CDH4: variants seen among roughly 807,000 people sequenced by gnomAD.
CDH4 encodes the protein cadherin-4.
Under a neutral mutation model 86.0 loss-of-function variants are expected in CDH4, and 33 were observed. The ratio of observed to expected loss-of-function variants is 0.38; its 90% CI spans 0.29 to 0.51. CDH4 has a LOEUF of 0.51. Among genes scored for constraint, CDH4 ranks in the 20% least tolerant of loss-of-function variants. The pLI, the probability that CDH4 is intolerant of heterozygous loss-of-function variation, is 0.86. For synonymous variants in CDH4, 555 were observed against 549.4 expected (o/e 1.01, Z -0.14); for missense variants, 1,114 against 1,307.4 (o/e 0.85, Z 2.28).
At chr20:61,280,498 C>T (rs1434967371) in intron 2 of CDH4, among the ~76,000 whole-genome samples, 1 of 152,186 alleles carries the variant, frequency 6.6e-6, no homozygotes, top group Non-Finnish European at 1.5e-5. Flanking sequence ...CGGTGGGGGC[C>T]GATGTCCCCA....
At chr20:61,423,888 C>T (rs1390608414) in intron 2 of CDH4, among the ~76,000 whole-genome samples, 1 of 148,562 alleles carries the variant, frequency 6.7e-6, no homozygotes, top group Non-Finnish European at 1.5e-5. Context: ...TCCTCAGCCT[C>T]ATACCTTGTC....
chr20:61,634,390 G>A (rs541033165), intron 2 of CDH4, among the ~76,000 whole-genome samples: 4 of 152,276 alleles, frequency 2.6e-5, no homozygotes, highest in East Asian at 1.9e-4. Context: ...CTAACACCAC[G>A]ACAGCTCAGG....
chr20:61,847,053 G>A (rs533059082), intron 5 of CDH4, among the ~76,000 whole-genome samples: 9 of 152,310 alleles, frequency 5.9e-5, no homozygotes, highest in African/African-American at 2.2e-4. Context: ...CCAGCAGAAG[G>A]CCTCTTCCTT....
intron 14 of CDH4, 93 bp downstream of exon 14, chr20:61,933,217 A>G: frequency 4.0e-6 from 6 of 1,482,350 alleles, no homozygotes; most frequent in Non-Finnish European, 5.5e-6. Context: ...TTTAACAGTA[A>G]GACATTTCAA....
chr20:61,935,486 G>A (rs535870173), intron 15 of CDH4, among the ~76,000 whole-genome samples: 12 of 151,876 alleles, frequency 7.9e-5, no homozygotes, highest in East Asian at 1.9e-4. Context: ...AGCCAGGCGC[G>A]GTGGCTCAGG....
chr20:61,766,258 C>T (rs2145976838), intron 3 of CDH4, among the ~76,000 whole-genome samples: 1 of 152,074 alleles, frequency 6.6e-6, no homozygotes, highest in East Asian at 1.9e-4. Flanking sequence ...CAAATTCTTC[C>T]ACTGGCCTGG....
intron 2 of CDH4, among the ~76,000 whole-genome samples, chr20:61,695,350 A>T (rs1267409662): frequency 6.6e-6 from 1 of 152,154 alleles, no homozygotes; most frequent in Non-Finnish European, 1.5e-5. Flanking sequence ...TGCTGTGGGT[A>T]TCAGATGTAT....
intron 4 of CDH4, among the ~76,000 whole-genome samples, chr20:61,809,073 C>A (rs904414318): frequency 6.6e-6 from 1 of 152,230 alleles, no homozygotes. Context: ...TGGAAAATGC[C>A]CGTGTCCATG....
At chr20:61,785,776 G>A (rs1177573538) in intron 4 of CDH4, among the ~76,000 whole-genome samples, 3 of 152,208 alleles carry the variant, frequency 2.0e-5, no homozygotes, top group Non-Finnish European at 2.9e-5. Context: ...AGAGATTTGG[G>A]GCCAGCTTAG....
At chr20:61,899,697 G>A (rs1985296676) in intron 8 of CDH4, among the ~76,000 whole-genome samples, 1 of 152,144 alleles carries the variant, frequency 6.6e-6, no homozygotes, top group Non-Finnish European at 1.5e-5. Context: ...AAACTGCTGG[G>A]ATTACAGGTG....
chr20:61,804,484 C>T (rs1403401761), intron 4 of CDH4, among the ~76,000 whole-genome samples: 1 of 152,250 alleles, frequency 6.6e-6, no homozygotes, highest in African/African-American at 2.4e-5. Flanking sequence ...ACCCGGGGGG[C>T]AGCTCTGCTG....
chr20:61,594,234 T>C (rs2086539036), intron 2 of CDH4, among the ~76,000 whole-genome samples: 1 of 66,174 alleles, frequency 1.5e-5, no homozygotes, highest in East Asian at 5.7e-4. Context: ...GGAGGGGGGC[T>C]GAGCTGAGCA....
At chr20:61,508,003 G>C (rs1478784988) in intron 2 of CDH4, among the ~76,000 whole-genome samples, 3 of 152,242 alleles carry the variant, frequency 2.0e-5, no homozygotes, top group Non-Finnish European at 4.4e-5. Flanking sequence ...CTGTCAGGAT[G>C]GGGTTGTATC....
chr20:61,378,431 G>C (rs2084883552), intron 2 of CDH4, among the ~76,000 whole-genome samples: 1 of 151,994 alleles, frequency 6.6e-6, no homozygotes, highest in Non-Finnish European at 1.5e-5. Context: ...TCAAGGTGTG[G>C]GCAGGACCAT....
intron 2 of CDH4, among the ~76,000 whole-genome samples, chr20:61,298,139 C>T (rs1322049673): frequency 6.6e-6 from 1 of 152,120 alleles, no homozygotes; most frequent in African/African-American, 2.4e-5. Context: ...GTGAAGAGTG[C>T]GATTGGGCGC....
At chr20:61,479,152 T>C (rs182613595) in intron 2 of CDH4, among the ~76,000 whole-genome samples, 1 of 151,312 alleles carries the variant, frequency 6.6e-6, no homozygotes, top group East Asian at 1.9e-4. Flanking sequence ...CGTTTAAGAT[T>C]TTCTCTTGAT....
At chr20:61,842,409 G>T (rs556789585) in intron 4 of CDH4, among the ~76,000 whole-genome samples, 21 of 152,320 alleles carry the variant, frequency 1.4e-4, no homozygotes, top group African/African-American at 5.1e-4. Flanking sequence ...TGCTTTTTCT[G>T]TCTCGTTCTT....
At chr20:61,906,926 C>T (rs1448623797) in intron 8 of CDH4, among the ~76,000 whole-genome samples, 1 of 152,110 alleles carries the variant, frequency 6.6e-6, no homozygotes, top group Admixed American at 6.5e-5. Context: ...CAACTCAGAT[C>T]TCCGGGGTCA....
At chr20:61,321,855 T>C (rs1178924975) in intron 2 of CDH4, among the ~76,000 whole-genome samples, 2 of 152,180 alleles carry the variant, frequency 1.3e-5, no homozygotes, top group Non-Finnish European at 2.9e-5. Flanking sequence ...TCATGTTCCT[T>C]AGCTCAGTCC....
Sources: allele counts gnomAD v4.1 joint callset (sites outside exome capture counted in the v4.1 genomes callset), GRCh38; gene constraint gnomAD v4.1.1; transcripts MANE v1.5; gene names NCBI Gene and HGNC (gene_info 2026-07-23, HGNC 2026-07-21).